Variants in KIT observed in about 807,000 individuals in gnomAD.
The protein encoded by KIT is KIT proto-oncogene, receptor tyrosine kinase, also known as mast/stem cell growth factor receptor Kit.
In KIT, 16 loss-of-function variants were observed where a neutral mutation model predicts 105.7. The observed-to-expected ratio is 0.15, with a 90% confidence interval of 0.10 to 0.23. KIT has a LOEUF of 0.23. KIT is among the 10% of genes least tolerant of loss of function. The pLI, the probability that KIT is intolerant of heterozygous loss-of-function variation, is 1.00. For missense variants in KIT, 858 were observed against 1,213.8 expected, an observed-to-expected ratio of 0.71 and a Z score of 4.36; for synonymous variants, 438 against 441.1, an observed-to-expected ratio of 0.99 and a Z score of 0.09.
chr4:54,675,791 AGGATCTCACT>A (rs1390488135), intron 1 of KIT, among the ~76,000 whole-genome samples: 1 of 152,182 alleles, frequency 6.6e-6, no homozygotes, highest in Non-Finnish European at 1.5e-5. Context: ...GGCAGCTCAG[AGGATCTCACT>A]GGATTAGTAT....
rs1174814949 is a variant in KIT, at chr4:54,698,350, G to A, written c.404G>A (p.Arg135His). Reference protein sequence around the residue: ...YGKEDNDTLVRCPLTDPEVTN... With the variant: ...YGKEDNDTLVHCPLTDPEVTN... ...AAAGAAGACAACGACACGCTGGTCC[G>A]CTGTCCTCTCACAGACCCAGAAGTG... is the stretch of plus-strand genomic sequence containing the variant. Residue 135 changes from arginine (R) to histidine (H), a missense_variant, in exon 3 of 21, where the codon CGC becomes CAC. Physicochemically the swap from Arg to His is conservative, Grantham distance 29 (BLOSUM62 0). Transcript: ENST00000288135. 4 of 1,614,086 alleles carry A rather than the reference G, an allele frequency of 2.5e-6. No individual in the cohort carries two copies. The highest frequency in any genetic ancestry group is 2.2e-5 in the East Asian group (1 of 44,874).
intron 5 of KIT, among the ~76,000 whole-genome samples, chr4:54,704,316 C>T (rs1720646552): frequency 6.6e-6 from 1 of 152,174 alleles, no homozygotes. Flanking sequence ...TATTGTTTTG[C>T]CACTCATCAG....
intron 7 of KIT, among the ~76,000 whole-genome samples, chr4:54,713,019 C>T (rs79454730): frequency 0.023 from 3,564 of 151,968 alleles, 101 homozygotes; most frequent in East Asian, 0.12. Flanking sequence ...CTATGAGGTA[C>T]GTCCCAGTTG....
intron 1 of KIT, among the ~76,000 whole-genome samples, chr4:54,671,011 A>G (rs1052716259): frequency 7.9e-5 from 12 of 152,212 alleles, no homozygotes; most frequent in Non-Finnish European, 1.3e-4. Flanking sequence ...TCTGTTTGAC[A>G]CGGTACCATT....
chr4:54,717,366 A>G lies in KIT; in HGVS notation c.1232-6218A>G, dbSNP rs1721575118. Among the ~76,000 whole-genome samples the G allele has an allele frequency of 3.9e-5, 6 of 152,216 alleles. 1 individual carries two copies. The South Asian group carries it at 1.2e-3, about 32-fold the overall frequency. The stretch of plus-strand genomic sequence containing the variant: ...AAGTTGGTCTGGTGGATGTGTTGCT[A>G]ATTTAGGGGCCTTGATGTAAACACT... On this transcript the variant is annotated intron_variant, in intron 7 of 20. Transcript: ENST00000288135.
intron 1 of KIT, among the ~76,000 whole-genome samples, chr4:54,670,178 G>A (rs1232287367): frequency 6.6e-6 from 1 of 152,222 alleles, no homozygotes; most frequent in East Asian, 1.9e-4. Context: ...GGAACTGTTT[G>A]TTCTGGAATG....
rs1381007585 is a variant in KIT, at chr4:54,698,279, T to G, written c.338-5T>G. ...CAACTACTGATTTTGGATATGCTTC[T>G]ATAGATCCTGCCAAGCTTTTCCTTG... is the stretch of plus-strand genomic sequence containing the variant. On this transcript the variant is annotated splice_polypyrimidine_tract_variant and splice_region_variant and intron_variant, in intron 2 of 20. Coordinates refer to ENST00000288135, the MANE Select transcript of KIT (RefSeq NM_000222.3). 2 of 1,613,244 alleles carry G rather than the reference T, an allele frequency of 1.2e-6. No individual in the cohort carries two copies. The highest frequency in any genetic ancestry group is 2.7e-5 in the African/African-American group (2 of 74,930).
At position 54,738,603 on chromosome 4, in the gene KIT, T is replaced by C; in HGVS notation, c.*46T>C. The C allele has an allele frequency of 6.2e-7, 1 of 1,609,718 alleles. No homozygotes were observed. Among genetic ancestry groups the C allele is most frequent in the African/African-American group, 1.3e-5 (1 of 74,990 alleles). Reference sequence around the variant, plus strand: ...ACCCCTCCAGGAATGATCTCTTCTTTTGGCTTCCATGATGGTTATTTTCTT... The same window carrying C: ...ACCCCTCCAGGAATGATCTCTTCTTCTGGCTTCCATGATGGTTATTTTCTT... On this transcript the variant is annotated 3_prime_UTR_variant, in exon 21 of 21. Coordinates refer to ENST00000288135, the MANE Select transcript of KIT (RefSeq NM_000222.3).
At position 54,683,727 on chromosome 4, in the gene KIT, A is replaced by G. The variant is rs139058201; in HGVS notation, c.68-11785A>G. 1.6e-3 allele frequency among the ~76,000 whole-genome samples: 243 copies of G among 152,344 alleles called. 2 individuals are homozygous for G. The highest frequency in any genetic ancestry group is 2.6e-3 in the Non-Finnish European group (177 of 68,024). ...TTAGTAAGTTTCCTTAGAAGCACACAGAACATTTAACATGTTCTCTATCTT... is the reference window on the plus strand; with the variant it reads ...TTAGTAAGTTTCCTTAGAAGCACACGGAACATTTAACATGTTCTCTATCTT... On this transcript the variant is annotated intron_variant, in intron 1 of 20. Coordinates refer to ENST00000288135, the MANE Select transcript of KIT (RefSeq NM_000222.3).
chr4:54,724,781 A>G (rs1413987873), intron 8 of KIT, among the ~76,000 whole-genome samples: 1 of 152,200 alleles, frequency 6.6e-6, no homozygotes. Context: ...TTGCAAAAAA[A>G]TCTCATAATG....
rs150512425 is a variant in KIT at position 54,687,209 on chromosome 4, G to A, written c.68-8303G>A. The stretch of plus-strand genomic sequence containing the variant: ...ATAATCAACTTTGGGAGGCCGAGGC[G>A]GGTGGATTACCTGAGGTCAAAAGTT... On this transcript the variant is annotated intron_variant, in intron 1 of 20. Transcript: ENST00000288135. 5.3e-3 allele frequency among the ~76,000 whole-genome samples: 812 copies of A among 152,202 alleles called. 6 individuals carry two copies. Among genetic ancestry groups the A allele is most frequent in the Non-Finnish European group, 7.5e-3 (509 of 67,994 alleles).
At chr4:54,693,010 C>T (rs1175000139) in intron 1 of KIT, among the ~76,000 whole-genome samples, 1 of 152,188 alleles carries the variant, frequency 6.6e-6, no homozygotes, top group Non-Finnish European at 1.5e-5. Flanking sequence ...TCTGTCCCTA[C>T]CCACAAGTGC....
In KIT at chr4:54,726,029, G is replaced by A. The variant is rs2109769739; in HGVS notation, c.1519G>A (p.Ala507Thr). The part of the protein sequence containing the change: ...VGKTSAYFNF[A>T]FKGNNKEQIH... Reference sequence around the variant, plus strand: ...CAAGACTTCTGCCTATTTTAACTTTGCATTTAAAGGTAACAACAAAGGTAT... The same window carrying A: ...CAAGACTTCTGCCTATTTTAACTTTACATTTAAAGGTAACAACAAAGGTAT... The change falls in exon 9 of 21, where the codon GCA (alanine) becomes ACA (threonine). Residue 507 changes from alanine to threonine, a missense_variant. Around this residue, in one of 7 missense-constraint regions of KIT, gnomAD observed 401 missense variants for 601.0 expected, o/e 0.67. Coordinates refer to ENST00000288135, the MANE Select transcript of KIT (RefSeq NM_000222.3). The A allele has an allele frequency of 6.2e-7, 1 of 1,613,974 alleles. No individual in the cohort carries two copies. Among genetic ancestry groups the A allele is most frequent in the Non-Finnish European group, 8.5e-7 (1 of 1,179,880 alleles).
intron 1 of KIT, among the ~76,000 whole-genome samples, chr4:54,672,909 G>A (rs1481172620): frequency 6.6e-6 from 1 of 152,158 alleles, no homozygotes; most frequent in African/African-American, 2.4e-5. Flanking sequence ...TTAAAGGTCA[G>A]GTTGGCTAGT....
At chr4:54,707,863 C>T (rs1720891982) in intron 6 of KIT, among the ~76,000 whole-genome samples, 1 of 151,356 alleles carries the variant, frequency 6.6e-6, no homozygotes, top group Non-Finnish European at 1.5e-5. Flanking sequence ...TGTGAGTAGA[C>T]ATTCTTATTT....
chr4:54,681,356 T>C (rs1176349523), intron 1 of KIT, among the ~76,000 whole-genome samples: 1 of 152,136 alleles, frequency 6.6e-6, no homozygotes, highest in East Asian at 1.9e-4. Flanking sequence ...AGTTCCTCCT[T>C]TCTGCTCAGG....
At chr4:54,737,000 A>G (rs958143092) in intron 19 of KIT, among the ~76,000 whole-genome samples, 175 bp from the exon 20 acceptor site, 2 of 152,210 alleles carry the variant, frequency 1.3e-5, no homozygotes, top group African/African-American at 4.8e-5. Flanking sequence ...TGTCACCAAA[A>G]ATACAGAAAG....
chr4:54,703,445 G>C (rs1014533401), intron 4 of KIT, among the ~76,000 whole-genome samples: 2 of 152,058 alleles, frequency 1.3e-5, no homozygotes, highest in African/African-American at 2.4e-5. Flanking sequence ...AAAATTTAGC[G>C]TTGTATAGAA....
intron 1 of KIT, among the ~76,000 whole-genome samples, chr4:54,691,770 G>A (rs1481890491): frequency 3.9e-5 from 6 of 152,048 alleles, no homozygotes; most frequent in African/African-American, 1.4e-4. Context: ...CTGGCGGGGA[G>A]TCTTTTAGGA....
Sources: allele counts gnomAD v4.1 joint callset (sites outside exome capture counted in the v4.1 genomes callset), GRCh38; gene constraint gnomAD v4.1.1; regional missense constraint gnomAD v4.1.1; transcripts MANE v1.5; gene names NCBI Gene and HGNC (gene_info 2026-07-23, HGNC 2026-07-21).